The following TIE1 variants were observed in gnomAD, a reference collection of about 807,000 sequenced individuals.
The protein encoded by TIE1 is tyrosine-protein kinase receptor Tie-1.
TIE1 carries 89 observed loss-of-function variants against 130.5 expected under a neutral mutation model. The observed-to-expected ratio is 0.68, with a 90% CI of 0.57 to 0.81. The LOEUF (loss-of-function observed/expected upper bound fraction) is 0.81. Among genes scored for constraint, TIE1 ranks in the 40% least tolerant of loss-of-function variants. TIE1 has a pLI of 0.00. For synonymous variants in TIE1, 568 were observed against 629.4 expected, an observed-to-expected ratio of 0.90 and a Z score of 1.46; for missense variants, 1,392 against 1,559.8, an observed-to-expected ratio of 0.89 and a Z score of 1.81.
Position 43,322,560 on chromosome 1 carries a change from G to A in TIE1, c.3346-91G>A. On this transcript the variant is annotated intron_variant, in intron 22 of 22. Coordinates refer to ENST00000372476, the MANE Select transcript of TIE1 (RefSeq NM_005424.5). The surrounding 1 kb of genome is among the most constrained non-coding windows in gnomAD (Gnocchi z 4.0). Reference sequence around the variant, plus strand: ...AGGTCTCCAGAACAAATCAGTGTCAGTTCAAATGCCCCCACCACATGGAAG... The same window carrying A: ...AGGTCTCCAGAACAAATCAGTGTCAATTCAAATGCCCCCACCACATGGAAG... 2.1e-6 allele frequency: 2 copies of A among 953,206 alleles called. No homozygotes were observed. The highest frequency in any genetic ancestry group is 3.3e-6 in the Non-Finnish European group (2 of 600,952). The allele number at this position is 953,206 out of a possible 1,614,324, so 59.0% of individuals were successfully genotyped here.
intron 7 of TIE1, 90 bp downstream of exon 7, chr1:43,308,014 T>C: frequency 6.5e-7 from 1 of 1,548,556 alleles, no homozygotes; most frequent in Non-Finnish European, 8.8e-7. Flanking sequence ...GTCCCTCCTT[T>C]CCCTACGAGG....
intron 1 of TIE1, chr1:43,302,475 G>A (rs995075260): frequency 6.6e-6 from 1 of 152,304 alleles, no homozygotes; most frequent in African/African-American, 2.4e-5. Flanking sequence ...AGGAGCTCTA[G>A]AGGAGCACTG....
At chr1:43,314,407 CTCTG>C in intron 14 of TIE1, 1 of 1,124,614 alleles carries the variant, frequency 8.9e-7, no homozygotes. Flanking sequence ...GGGAGCCAGC[CTCTG>C]TCTGCACACA....
intron 1 of TIE1, 78 bp downstream of exon 1, chr1:43,301,207 A>T (rs1646666608): frequency 1.3e-6 from 2 of 1,497,804 alleles, no homozygotes; most frequent in African/African-American, 2.8e-5. Context: ...CTATTTTATC[A>T]TAGAGACAGA....
In TIE1 at chr1:43,319,518, C is replaced by T; in HGVS notation, c.3096C>T (p.Thr1032=). 1 of 1,614,024 alleles carries T rather than the reference C, an allele frequency of 6.2e-7. No homozygotes were observed. The highest frequency in any genetic ancestry group is 8.5e-7 in the Non-Finnish European group (1 of 1,179,958). Residue 1032 remains threonine, a synonymous_variant, in exon 19 of 23, where the codon ACC becomes ACT. Transcript: ENST00000372476. This position sits in a 1 kb window ranked among gnomAD's most constrained non-coding sequence, Gnocchi z 4.7. ...CCCTGAACTACAGTGTCTATACCAC[C>T]AAGAGTGATGTGTGAGTGTGAGATG... The part of the protein sequence containing the change: ...IESLNYSVYT[T]KSDVWSFGVL...
chr1:43,301,169 C>T (rs377148708), intron 1 of TIE1, 40 bp downstream of exon 1: 102 of 1,594,418 alleles, frequency 6.4e-5, no homozygotes, highest in African/African-American at 2.3e-4. Context: ...TTCTAGGCCC[C>T]GAGGCCCTGA....
chr1:43,307,986 C>A lies in TIE1; in HGVS notation c.1042+62C>A, dbSNP rs1646748384. 5 of 1,597,344 alleles carry A rather than the reference C, an allele frequency of 3.1e-6. No individual in the cohort carries two copies. The highest frequency in any genetic ancestry group is 4.5e-5 in the East Asian group (2 of 44,576). On this transcript the variant is annotated intron_variant, in intron 7 of 22. Coordinates refer to ENST00000372476, the MANE Select transcript of TIE1 (RefSeq NM_005424.5). The surrounding 1 kb of genome is among the most constrained non-coding windows in gnomAD (Gnocchi z 5.4). ...AAGTCGGCCTTTACCAAACACATCT[C>A]CCCGGTGGAAGAGAGTAGTCCCTCC...
chr1:43,307,157 G>A lies in TIE1; in HGVS notation c.656G>A (p.Arg219His), dbSNP rs368249010. ...CTTCCTCCAGGTTGTGGGGCTGGGC[G>A]CTGGGGGCCAGGCTGTACCAAGGAG... ...RLIVRGCGAG[R>H]WGPGCTKECP... is the part of the protein sequence containing the mutation. The change falls in exon 5 of 23, where the codon CGC becomes CAC. Residue 219 changes from arginine (R) to histidine (H), a missense_variant. Arg to His is a conservative substitution (Grantham distance 29). Coordinates refer to ENST00000372476, the MANE Select transcript of TIE1 (RefSeq NM_005424.5). The surrounding 1 kb of genome is among the most constrained non-coding windows in gnomAD (Gnocchi z 5.4). 2.9e-5 allele frequency: 47 copies of A among 1,614,044 alleles called. No individual in the cohort carries two copies. Among genetic ancestry groups the A allele is most frequent in the East Asian group, 1.1e-4 (5 of 44,876 alleles).
rs201267785 is a variant in TIE1, at chr1:43,322,624, C to T, written c.3346-27C>T. 1.9e-6 allele frequency: 3 copies of T among 1,608,968 alleles called. No individual in the cohort carries two copies. The highest frequency in any genetic ancestry group is 4.5e-5 in the East Asian group (2 of 44,796). ...GGCCAGATGCACCCCCATTCCTGGC[C>T]CCCACTAAAGCTTGCTCTGCCCCCA... On this transcript the variant is annotated intron_variant, in intron 22 of 22. Coordinates refer to ENST00000372476, the MANE Select transcript of TIE1 (RefSeq NM_005424.5). This position sits in a 1 kb window ranked among gnomAD's most constrained non-coding sequence, Gnocchi z 4.0.
At chr1:43,321,046 A>C (rs1385761271) in intron 19 of TIE1, among the ~76,000 whole-genome samples, 2 of 150,000 alleles carry the variant, frequency 1.3e-5, no homozygotes, top group Non-Finnish European at 3.0e-5. Context: ...AAAAAAAAAA[A>C]AAAAAAAACA....
Position 43,306,855 on chromosome 1 carries a change from C to T in TIE1, c.500C>T (p.Thr167Ile). The T allele has an allele frequency of 6.2e-7, 1 of 1,612,914 alleles. No individual in the cohort carries two copies. Among genetic ancestry groups the T allele is most frequent in the Non-Finnish European group, 8.5e-7 (1 of 1,179,490 alleles). ...TGTCCCCCAGGATCCTACTTCTACA[C>T]CCTGGACTGGCATGAAGCCCAGGAT... ...IWKSNGSYFY[T>I]LDWHEAQDGR... Residue 167 changes from threonine to isoleucine, a missense_variant, in exon 4 of 23, where the codon ACC becomes ATC. Physicochemically the swap from Thr to Ile is moderately conservative, Grantham distance 89 (BLOSUM62 -1). Transcript: ENST00000372476. This position sits in a 1 kb window ranked among gnomAD's most constrained non-coding sequence, Gnocchi z 4.9.
intron 1 of TIE1, among the ~76,000 whole-genome samples, chr1:43,302,944 T>G (rs1364700745): frequency 6.6e-6 from 1 of 152,074 alleles, no homozygotes; most frequent in Non-Finnish European, 1.5e-5. Flanking sequence ...TGCTCAGAGA[T>G]GTGGACTTTA....
In TIE1 at chr1:43,306,502, G is replaced by A. The variant is rs1049188747; in HGVS notation, c.485-338G>A. Among the ~76,000 whole-genome samples the A allele has an allele frequency of 1.2e-4, 19 of 152,150 alleles. No homozygotes were observed. Among genetic ancestry groups the A allele is most frequent in the African/African-American group, 4.1e-4 (17 of 41,428 alleles). ...TCACCCTGGCTGCTGGGTGGAGGAGGGACAAGAAAGGGTGACACTGGAGGC... is the reference window on the plus strand; with the variant it reads ...TCACCCTGGCTGCTGGGTGGAGGAGAGACAAGAAAGGGTGACACTGGAGGC... On this transcript the variant is annotated intron_variant, in intron 3 of 22. Coordinates refer to ENST00000372476, the MANE Select transcript of TIE1 (RefSeq NM_005424.5). The surrounding 1 kb of genome is among the most constrained non-coding windows in gnomAD (Gnocchi z 4.9).
chr1:43,319,660 G>T lies in TIE1; in HGVS notation c.3107+131G>T. The T allele has an allele frequency of 1.1e-6, 1 of 927,632 alleles. No individual in the cohort carries two copies. Among genetic ancestry groups the T allele is most frequent in the Non-Finnish European group, 1.7e-6 (1 of 580,572 alleles). 57.5% of individuals were successfully genotyped at this position (927,632 alleles called of 1,614,324 possible). Reference sequence around the variant, plus strand: ...GGGCTGTGTTCCAGGTGTGACACAGGTGTGTCTTGGGTATAAAGTACCTAG... The same window carrying T: ...GGGCTGTGTTCCAGGTGTGACACAGTTGTGTCTTGGGTATAAAGTACCTAG... On this transcript the variant is annotated intron_variant, in intron 19 of 22. Coordinates refer to ENST00000372476, the MANE Select transcript of TIE1 (RefSeq NM_005424.5). This position sits in a 1 kb window ranked among gnomAD's most constrained non-coding sequence, Gnocchi z 4.7.
intron 19 of TIE1, among the ~76,000 whole-genome samples, chr1:43,321,038 A>AAAG (rs1646912583): frequency 1.2e-5 from 1 of 81,682 alleles, no homozygotes; most frequent in African/African-American, 3.1e-5. Context: ...GTCTCAAAAA[A>AAAG]AAAAAAAAAA....
rs1467582996 is a variant in TIE1 at position 43,322,209 on chromosome 1, T to C, written c.3346-442T>C. 6.6e-6 allele frequency among the ~76,000 whole-genome samples: 1 copy of C among 152,160 alleles called. No individual in the cohort carries two copies. The highest frequency in any genetic ancestry group is 1.9e-4 in the East Asian group (1 of 5,194). On this transcript the variant is annotated intron_variant, in intron 22 of 22. Transcript: ENST00000372476. The surrounding 1 kb of genome is among the most constrained non-coding windows in gnomAD (Gnocchi z 4.0). ...TCAATCTACTAACCATGTGAATAAG[T>C]GAATTATCAAATAAATATAATGAAA... is the stretch of plus-strand genomic sequence containing the variant.
chr1:43,314,172 A>G (rs1296507405), intron 14 of TIE1: 2 of 747,428 alleles, frequency 2.7e-6, no homozygotes, highest in African/African-American at 1.8e-5. Flanking sequence ...TCATGAGCCC[A>G]TTTATATTAG....
rs1646666941 is a variant in TIE1, at chr1:43,301,264, A to C, written c.58+135A>C. 3 of 956,326 alleles carry C rather than the reference A, an allele frequency of 3.1e-6. No homozygotes were observed. In the East Asian group the frequency reaches 8.3e-5, roughly 26 times the overall value. The allele number at this position is 956,326 out of a possible 1,614,324, so 59.2% of individuals were successfully genotyped here. A position where few individuals can be genotyped will look rare whatever the true frequency, so the allele number is the denominator to read the frequency against. On this transcript the variant is annotated intron_variant, in intron 1 of 22. Transcript: ENST00000372476. ...GGGCTGCAGGGAGGAAGAAATGGGG[A>C]GTTTTGTTTAAAAGGTACAGCGTTT...
At position 43,317,678 on chromosome 1, in the gene TIE1, A is replaced by G. The variant is rs371973338; in HGVS notation, c.2731+4A>G. The G allele has an allele frequency of 2.4e-5, 38 of 1,567,922 alleles. No individual in the cohort carries two copies. In the African/African-American group the frequency reaches 4.5e-4, roughly 18 times the overall value. ...CTGGGGGCCTGTAAGAACCGAGGTG[A>G]GCCCCCAGCTCATCACCTACCCCTT... On this transcript the variant is annotated splice_donor_region_variant and intron_variant, in intron 16 of 22. Transcript: ENST00000372476. This position sits in a 1 kb window ranked among gnomAD's most constrained non-coding sequence, Gnocchi z 5.1.
Sources: allele counts gnomAD v4.1 joint callset (sites outside exome capture counted in the v4.1 genomes callset), GRCh38; gene constraint gnomAD v4.1.1; non-coding constraint Gnocchi (gnomAD v3.1); transcripts MANE v1.5; gene names NCBI Gene and HGNC (gene_info 2026-07-23, HGNC 2026-07-21).